SLC35F4: variants seen among roughly 807,000 people sequenced by gnomAD.
SLC35F4 encodes the protein solute carrier family 35 member F4.
In SLC35F4, 24 loss-of-function variants were observed where a neutral mutation model predicts 44.2. That is an observed-to-expected ratio of 0.54 (90% CI 0.39 to 0.76). The LOEUF (loss-of-function observed/expected upper bound fraction) is 0.76. Among genes scored for constraint, SLC35F4 ranks in the 30% least tolerant of loss-of-function variants. The pLI is 0.00. For missense variants in SLC35F4, 562 were observed against 586.1 expected, an observed-to-expected ratio of 0.96 and a Z score of 0.42; for synonymous variants, 238 against 223.6, an observed-to-expected ratio of 1.06 and a Z score of -0.57.
chr14:57,708,065 T>C (rs1248745336), intron 1 of SLC35F4, among the ~76,000 whole-genome samples: 1 of 152,210 alleles, frequency 6.6e-6, no homozygotes, highest in African/African-American at 2.4e-5. Flanking sequence ...GTGTAGCCTC[T>C]GGCTCCAAGA....
At chr14:57,879,603 T>C (rs1444443677) in intron 1 of SLC35F4, among the ~76,000 whole-genome samples, 1 of 152,158 alleles carries the variant, frequency 6.6e-6, no homozygotes, top group Non-Finnish European at 1.5e-5. Context: ...CACATTACCC[T>C]GACCCCTTTC....
chr14:57,830,926 C>G (rs554523769), intron 1 of SLC35F4, among the ~76,000 whole-genome samples: 1 of 152,286 alleles, frequency 6.6e-6, no homozygotes, highest in South Asian at 2.1e-4. Context: ...GCAAGTTCAA[C>G]AGCACTTGTA....
chr14:57,611,213 A>G lies in SLC35F4; in HGVS notation c.104-17089T>C, dbSNP rs1180481658. 2.0e-5 allele frequency among the ~76,000 whole-genome samples: 3 copies of G among 151,342 alleles called. No individual in the cohort carries two copies. The East Asian group carries it at 5.8e-4, about 29-fold the overall frequency. On this transcript the variant is annotated intron_variant, in intron 1 of 7. Coordinates refer to ENST00000556826, the MANE Select transcript of SLC35F4 (RefSeq NM_001306087.2). ...GTAGTGTAGATAGAGTGCAGTAGAT[A>G]AAGGAGAGAAGGAAATAAAGTTTAA...
intron 1 of SLC35F4, among the ~76,000 whole-genome samples, chr14:57,737,247 A>G (rs988482869): frequency 6.6e-6 from 1 of 152,034 alleles, no homozygotes; most frequent in Non-Finnish European, 1.5e-5. Context: ...TTAGTTGTCA[A>G]TCTTCCAAAT....
intron 1 of SLC35F4, among the ~76,000 whole-genome samples, chr14:57,671,578 C>T (rs941837939): frequency 2.0e-5 from 3 of 152,032 alleles, no homozygotes; most frequent in Non-Finnish European, 4.4e-5. Flanking sequence ...TAACCAGCAG[C>T]AATACCCAGG....
chr14:57,857,073 C>T (rs1265674965), intron 1 of SLC35F4, among the ~76,000 whole-genome samples: 1 of 151,812 alleles, frequency 6.6e-6, no homozygotes, highest in Non-Finnish European at 1.5e-5. Context: ...GTCAGGAGTT[C>T]GAGACCAGCC....
At chr14:57,842,267 T>C (rs976629493) in intron 1 of SLC35F4, among the ~76,000 whole-genome samples, 1 of 152,242 alleles carries the variant, frequency 6.6e-6, no homozygotes, top group Non-Finnish European at 1.5e-5. Flanking sequence ...GTGAGTTACA[T>C]GAGGAAATTA....
chr14:57,943,526 G>T (rs1041738219), intron 1 of SLC35F4, among the ~76,000 whole-genome samples: 25 of 152,172 alleles, frequency 1.6e-4, no homozygotes, highest in East Asian at 9.6e-4. Flanking sequence ...TAGTCTCACC[G>T]CATGGTGCCT....
At chr14:57,809,761 A>G (rs1881753205) in intron 1 of SLC35F4, among the ~76,000 whole-genome samples, 1 of 152,200 alleles carries the variant, frequency 6.6e-6, no homozygotes, top group South Asian at 2.1e-4. Flanking sequence ...ACACGGCTTG[A>G]TTATTCTTTC....
At chr14:57,834,488 A>G (rs1375912192) in intron 1 of SLC35F4, among the ~76,000 whole-genome samples, 1 of 152,214 alleles carries the variant, frequency 6.6e-6, no homozygotes, top group East Asian at 1.9e-4. Flanking sequence ...TACAAAGAAA[A>G]ACATGCTTTT....
chr14:57,669,483 C>T (rs28873991), intron 1 of SLC35F4, among the ~76,000 whole-genome samples: 94,733 of 151,166 alleles, frequency 0.63, 29,996 homozygotes, highest in South Asian at 0.71. Context: ...TAGATAGCTC[C>T]TATTATTTTG....
At chr14:57,739,859 A>G (rs761729241) in intron 1 of SLC35F4, among the ~76,000 whole-genome samples, 26 of 152,222 alleles carry the variant, frequency 1.7e-4, no homozygotes, top group Middle Eastern at 3.4e-3. Context: ...AACAGTGGCT[A>G]TTGGTTTGTT....
At chr14:57,767,116 C>T (rs930514451) in intron 1 of SLC35F4, among the ~76,000 whole-genome samples, 2 of 152,200 alleles carry the variant, frequency 1.3e-5, no homozygotes, top group African/African-American at 2.4e-5. Flanking sequence ...AAAGAAGAAA[C>T]TGAAAAATCC....
At chr14:57,677,645 G>A (rs10141999) in intron 1 of SLC35F4, among the ~76,000 whole-genome samples, 20,606 of 151,782 alleles carry the variant, frequency 0.14, 1,752 homozygotes, top group African/African-American at 0.22. Context: ...ACCATAAAAG[G>A]AAACAAATGA....
At chr14:57,576,044 G>T (rs1033173715) in intron 4 of SLC35F4, among the ~76,000 whole-genome samples, 2 of 151,104 alleles carry the variant, frequency 1.3e-5, no homozygotes, top group African/African-American at 2.4e-5. Flanking sequence ...AGCCCACAAA[G>T]GTTTGGTCCT....
At chr14:57,824,776 A>G (rs1466176589) in intron 1 of SLC35F4, among the ~76,000 whole-genome samples, 1 of 152,142 alleles carries the variant, frequency 6.6e-6, no homozygotes, top group Non-Finnish European at 1.5e-5. Context: ...AACAAGGGAG[A>G]AAGTAGTTGA....
chr14:57,654,970 G>A (rs900239035), intron 1 of SLC35F4, among the ~76,000 whole-genome samples: 6 of 152,150 alleles, frequency 3.9e-5, no homozygotes, highest in African/African-American at 1.2e-4. Flanking sequence ...ATATTTTAAG[G>A]TGTGTCATAG....
intron 1 of SLC35F4, among the ~76,000 whole-genome samples, chr14:57,700,654 C>G (rs542596176): frequency 6.6e-6 from 1 of 152,224 alleles, no homozygotes; most frequent in East Asian, 1.9e-4. Context: ...GCAATCCCAG[C>G]ACTTTGGGAG....
chr14:57,819,060 G>A (rs976202624), intron 1 of SLC35F4, among the ~76,000 whole-genome samples: 12 of 152,160 alleles, frequency 7.9e-5, no homozygotes, highest in African/African-American at 2.6e-4. Context: ...AATTTTTTGA[G>A]GGGAATAAGA....
Sources: allele counts gnomAD v4.1 joint callset (sites outside exome capture counted in the v4.1 genomes callset), GRCh38; gene constraint gnomAD v4.1.1; transcripts MANE v1.5; gene names NCBI Gene and HGNC (gene_info 2026-07-23, HGNC 2026-07-21).